Variants in MAIP1 observed in about 807,000 individuals in gnomAD.
The protein encoded by MAIP1 is matrix AAA peptidase interacting protein 1, also known as m-AAA protease-interacting protein 1, mitochondrial.
MAIP1 carries 28 observed loss-of-function variants against 31.2 expected under a neutral mutation model. That is an observed-to-expected ratio of 0.90 (90% CI 0.67 to 1.23). MAIP1 has a LOEUF of 1.23. Ranked by LOEUF, MAIP1 falls within the 50% of genes most tolerant of loss-of-function variation. MAIP1 has a pLI of 0.00. For synonymous variants in MAIP1, 142 were observed against 142.3 expected, an observed-to-expected ratio of 1.00 and a Z score of 0.02; for missense variants, 339 against 356.0, an observed-to-expected ratio of 0.95 and a Z score of 0.38.
chr2:199,963,236 T>A (rs1360227085), intron 4 of MAIP1, among the ~76,000 whole-genome samples: 1 of 152,204 alleles, frequency 6.6e-6, no homozygotes, highest in African/African-American at 2.4e-5. Flanking sequence ...TCATAAACAT[T>A]GTTATTTTCA....
At chr2:199,957,039 C>CCT (rs1553572105) in intron 1 of MAIP1, among the ~76,000 whole-genome samples, 1 of 129,832 alleles carries the variant, frequency 7.7e-6, no homozygotes, top group Non-Finnish European at 1.6e-5. Context: ...TGGGTACATG[C>CCT]TTTTTTTTTT....
intron 1 of MAIP1, among the ~76,000 whole-genome samples, chr2:199,958,613 G>T (rs1449274918): frequency 1.3e-5 from 2 of 152,128 alleles, no homozygotes; most frequent in African/African-American, 2.4e-5. Context: ...TCTTCAACTT[G>T]TCAGTTTACT....
In MAIP1 at chr2:199,955,921, C is replaced by A. The variant is rs1276652482; in HGVS notation, c.123C>A (p.Tyr41Ter). Residue 41 changes from tyrosine (Y) to a stop codon, truncating the protein, a stop_gained, in exon 1 of 5, where the codon TAC becomes TAA. Transcript: ENST00000392290. LOFTEE classifies it high-confidence loss of function. ...EVRLPSATLCYFCRCRLGLGA... is the reference protein window; with the variant it reads ...EVRLPSATLC The stretch of plus-strand genomic sequence containing the variant: ...GGCTGCCGTCGGCCACACTTTGCTA[C>A]TTCTGCCGCTGTCGCCTCGGCTTGG... 6.3e-7 allele frequency: 1 copy of A among 1,597,734 alleles called. No individual in the cohort carries two copies. Among genetic ancestry groups the A allele is most frequent in the Non-Finnish European group, 8.5e-7 (1 of 1,170,572 alleles).
upstream of MAIP1, chr2:199,955,575 G>A (rs2077593317): frequency 2.1e-6 from 3 of 1,438,300 alleles, no homozygotes; most frequent in Admixed American, 2.1e-5. Flanking sequence ...AGGTCCGCGA[G>A]GCCGGCAGAC....
chr2:199,962,068 C>G (rs930365575), intron 4 of MAIP1, 140 bp downstream of exon 4: 1 of 721,994 alleles, frequency 1.4e-6, no homozygotes, highest in Non-Finnish European at 2.2e-6. Flanking sequence ...CAGAAAGACA[C>G]ACTGGATATG....
chr2:199,961,942 G>A lies in MAIP1; in HGVS notation c.797+14G>A, dbSNP rs748500806. On this transcript the variant is annotated intron_variant, in intron 4 of 4. Transcript: ENST00000392290. ...TGCAAGCTATGAGTAAGTTTAATCA[G>A]ATTTCATTGTTTCCTTTCTTCAGAA... 3.8e-6 allele frequency: 6 copies of A among 1,597,804 alleles called. No individual in the cohort carries two copies. The South Asian group carries it at 6.8e-5, about 18-fold the overall frequency.
At chr2:199,960,355 GT>G (rs892383493) in intron 3 of MAIP1, among the ~76,000 whole-genome samples, 1 of 152,156 alleles carries the variant, frequency 6.6e-6, no homozygotes, top group African/African-American at 2.4e-5. Context: ...AAAAAAGTTG[GT>G]AGGAAATTTA....
intron 1 of MAIP1, among the ~76,000 whole-genome samples, chr2:199,958,180 A>G (rs1037819956): frequency 1.3e-5 from 2 of 152,130 alleles, no homozygotes; most frequent in African/African-American, 4.8e-5. Context: ...CAGCTTACAG[A>G]TGGCCGTCTT....
At chr2:199,955,355 C>G (rs1413564987), upstream of MAIP1, 2 of 1,605,602 alleles carry the variant, frequency 1.2e-6, no homozygotes, top group Non-Finnish European at 1.7e-6. Context: ...GTGTCTCTCG[C>G]TGGTTTCTCG....
chr2:199,960,691 C>T (rs893480789), intron 3 of MAIP1, among the ~76,000 whole-genome samples: 1 of 151,976 alleles, frequency 6.6e-6, no homozygotes, highest in African/African-American at 2.4e-5. Context: ...AAATACTACA[C>T]CATTTTATAT....
rs748829859 is a variant in MAIP1 at position 199,956,206 on chromosome 2, CAA to C, written c.410_411del (p.Lys137ArgfsTer26). 19 of 1,613,852 alleles carry C rather than the reference CAA, an allele frequency of 1.2e-5. No individual in the cohort carries two copies. The highest frequency in any genetic ancestry group is 1.5e-5 in the Non-Finnish European group (18 of 1,179,948). ...CCTTCCTTATCTGGGCCTATTTCGACAAAGAGTTCAGCATCACAGAGTTCTCC... is the reference window on the plus strand; with the variant it reads ...CCTTCCTTATCTGGGCCTATTTCGACAGAGTTCAGCATCACAGAGTTCTCC... ...KAFLIWAYFD[K>X]EFSITEFSEG... On this transcript the variant is annotated frameshift_variant, in exon 1 of 5. Coordinates refer to ENST00000392290, the MANE Select transcript of MAIP1 (RefSeq NM_001394955.1). LOFTEE classifies it high-confidence loss of function.
At chr2:199,963,644 C>A in intron 4 of MAIP1, 89 bp from the exon 5 acceptor site, 2 of 773,720 alleles carry the variant, frequency 2.6e-6, no homozygotes, top group Non-Finnish European at 4.2e-6. Context: ...GCCAAAAATT[C>A]TTCTAAATAT....
chr2:199,956,263 C>G lies in MAIP1; in HGVS notation c.450+15C>G. 6.3e-7 allele frequency: 1 copy of G among 1,586,176 alleles called. No individual in the cohort carries two copies. The highest frequency in any genetic ancestry group is 8.6e-7 in the Non-Finnish European group (1 of 1,160,814). On this transcript the variant is annotated intron_variant, in intron 1 of 4. Coordinates refer to ENST00000392290, the MANE Select transcript of MAIP1 (RefSeq NM_001394955.1). Reference sequence around the variant, plus strand: ...GAGCGAAGCAGGTTTGTTTATTTCCCTGATTGACCTATCCGTCTCTAATGA... The same window carrying G: ...GAGCGAAGCAGGTTTGTTTATTTCCGTGATTGACCTATCCGTCTCTAATGA...
chr2:199,963,783 G>T lies in MAIP1; in HGVS notation c.848G>T (p.Arg283Leu), dbSNP rs115358893. The change falls in exon 5 of 5, where the codon CGG becomes CTG. Residue 283 changes from arginine to leucine, a missense_variant. By Grantham distance (102) the Arg-to-Leu change is moderately radical (BLOSUM62 -2). Coordinates refer to ENST00000392290, the MANE Select transcript of MAIP1 (RefSeq NM_001394955.1). ...GTAAAGCCTGACTGGACCATTGCAC[G>T]GATTGAACACTCAAAATTATTAGAA... ...QGVKPDWTIA[R>L]IEHSKLLE is the part of the protein sequence containing the mutation. The T allele has an allele frequency of 2.4e-5, 39 of 1,607,392 alleles. No homozygotes were observed. The highest frequency in any genetic ancestry group is 8.5e-7 in the Non-Finnish European group (1 of 1,174,948).
chr2:199,956,174 A>G lies in MAIP1; in HGVS notation c.376A>G (p.Ile126Val). ...SNPINWVRTR[I>V]KAFLIWAYFD... ...CCCCATCAACTGGGTTAGGACTCGA[A>G]TTAAGGCCTTCCTTATCTGGGCCTA... Residue 126 changes from isoleucine to valine, a missense_variant, in exon 1 of 5, where the codon ATT becomes GTT. By Grantham distance (29) the Ile-to-Val change is conservative. Transcript: ENST00000392290. 2.5e-6 allele frequency: 4 copies of G among 1,614,200 alleles called. No homozygotes were observed. The highest frequency in any genetic ancestry group is 3.4e-6 in the Non-Finnish European group (4 of 1,180,032).
At position 199,961,841 on chromosome 2, in the gene MAIP1, G is replaced by T. The variant is rs147805097; in HGVS notation, c.710G>T (p.Ser237Ile). ...TATCTAACCAGTGCCAACATCCCCA[G>T]TGAAACTTTAAGAGGAGCCAGTGTA... ...FWYLTSANIP[S>I]ETLRGASVFQ... is the part of the protein sequence containing the mutation. The change falls in exon 4 of 5, where the codon AGT becomes ATT. Residue 237 changes from serine to isoleucine, a missense_variant. Ser to Ile is a moderately radical substitution (Grantham distance 142). Transcript: ENST00000392290. 2.1e-5 allele frequency: 34 copies of T among 1,613,932 alleles called. No homozygotes were observed. Among genetic ancestry groups the T allele is most frequent in the Non-Finnish European group, 2.5e-5 (30 of 1,179,950 alleles).
intron 1 of MAIP1, among the ~76,000 whole-genome samples, chr2:199,958,402 G>A (rs2077619264): frequency 6.6e-6 from 1 of 152,160 alleles, no homozygotes; most frequent in Non-Finnish European, 1.5e-5. Context: ...AATTTTCGGG[G>A]AAGGAGAGCA....
intron 1 of MAIP1, among the ~76,000 whole-genome samples, chr2:199,958,635 CATGTAGACTGA>C (rs2077620671): frequency 6.6e-6 from 1 of 152,140 alleles, no homozygotes; most frequent in East Asian, 1.9e-4. Flanking sequence ...GTCCTTTTCC[CATGTAGACTGA>C]AAGTTCCCTG....
At chr2:199,961,985 AG>A in intron 4 of MAIP1, 57 bp downstream of exon 4, 3 of 1,457,688 alleles carry the variant, frequency 2.1e-6, no homozygotes, top group Non-Finnish European at 2.8e-6. Flanking sequence ...GGTAGTGTGA[AG>A]GTATGAAAAC....
Sources: gnomAD v4.1 joint callset for allele counts (sites outside exome capture counted in the v4.1 genomes callset) on GRCh38, gnomAD v4.1.1 for gene constraint, MANE v1.5 for transcripts, NCBI Gene and HGNC (gene_info 2026-07-23, HGNC 2026-07-21) for gene names.